Variants in DIAPH1 observed in about 807,000 individuals in gnomAD.
DIAPH1 encodes the protein protein diaphanous homolog 1.
DIAPH1 carries 46 observed loss-of-function variants against 140.7 expected under a neutral mutation model. The observed-to-expected ratio is 0.33, with a 90% confidence interval of 0.26 to 0.42. The LOEUF is 0.42. Among genes scored for constraint, DIAPH1 ranks in the 10% least tolerant of loss-of-function variants. DIAPH1 has a pLI of 1.00. For missense variants in DIAPH1, 1,310 were observed against 1,558.7 expected (o/e 0.84, Z 2.69); for synonymous variants, 565 against 551.6 (o/e 1.02, Z -0.34).
chr5:141,523,127 C>A (rs1302488620), intron 27 of DIAPH1, among the ~76,000 whole-genome samples: 1 of 152,212 alleles, frequency 6.6e-6, no homozygotes, highest in East Asian at 1.9e-4. Context: ...CTGGCCAAAG[C>A]AAGCTGTGTT....
At chr5:141,540,522 C>G (rs947910474) in intron 18 of DIAPH1, among the ~76,000 whole-genome samples, 5 of 150,808 alleles carry the variant, frequency 3.3e-5, no homozygotes, top group African/African-American at 1.2e-4. Context: ...CCTCGTGATC[C>G]ACCTGCCTCA....
In DIAPH1 at chr5:141,523,907, G is replaced by C. The variant is rs75364596; in HGVS notation, c.3661+236C>G. Reference sequence around the variant, plus strand: ...TTTGTTCCAAATATCTGCTTCAAGAGTGGGGAGAAATGCGGCATAATCCAA... The same window carrying C: ...TTTGTTCCAAATATCTGCTTCAAGACTGGGGAGAAATGCGGCATAATCCAA... On this transcript the variant is annotated intron_variant, in intron 27 of 27. Coordinates refer to ENST00000389054, the MANE Select transcript of DIAPH1 (RefSeq NM_005219.5). 3.6e-3 allele frequency among the ~76,000 whole-genome samples: 542 copies of C among 151,908 alleles called. 1 individual carries two copies. The highest frequency in any genetic ancestry group is 6.0e-3 in the South Asian group (29 of 4,808).
chr5:141,573,223 T>C (rs1369055959), intron 16 of DIAPH1, among the ~76,000 whole-genome samples: 2 of 151,670 alleles, frequency 1.3e-5, no homozygotes, highest in Non-Finnish European at 2.9e-5. Flanking sequence ...GATCACGAGG[T>C]CAGGAGATCG....
chr5:141,571,529 A>C, intron 17 of DIAPH1, 93 bp from the exon 18 acceptor site: 1 of 1,127,676 alleles, frequency 8.9e-7, no homozygotes, highest in Non-Finnish European at 1.3e-6. Context: ...TTGTTACTGT[A>C]GACAGTCACT....
chr5:141,550,432 T>C (rs1490537775), intron 18 of DIAPH1: 4 of 154,398 alleles, frequency 2.6e-5, no homozygotes, highest in Non-Finnish European at 5.9e-5. Flanking sequence ...ATGTAAACCT[T>C]ACCTCTTTTT....
intron 1 of DIAPH1, among the ~76,000 whole-genome samples, chr5:141,608,997 T>A (rs1396121752): frequency 6.6e-6 from 1 of 152,136 alleles, no homozygotes; most frequent in Non-Finnish European, 1.5e-5. Flanking sequence ...GCTGTTCTAC[T>A]TACAAAGGAG....
chr5:141,527,714 A>C lies in DIAPH1; in HGVS notation c.3149-17T>G, dbSNP rs956779234. The C allele has an allele frequency of 3.6e-5, 57 of 1,566,862 alleles. No homozygotes were observed. Among genetic ancestry groups the C allele is most frequent in the Non-Finnish European group, 4.7e-5 (55 of 1,158,636 alleles). ...CAGCAGAAACTAAAAAAAAAAAAAAAAAAAAAAACCATAAAAACAGACAGC... is the reference window on the plus strand; with the variant it reads ...CAGCAGAAACTAAAAAAAAAAAAAACAAAAAAAACCATAAAAACAGACAGC... On this transcript the variant is annotated splice_polypyrimidine_tract_variant and intron_variant, in intron 23 of 27. Transcript: ENST00000389054.
At chr5:141,520,993 T>G (rs2099886446) in intron 27 of DIAPH1, among the ~76,000 whole-genome samples, 1 of 152,136 alleles carries the variant, frequency 6.6e-6, no homozygotes, top group African/African-American at 2.4e-5. Flanking sequence ...CTCCGCCTCC[T>G]GGGTTCATGC....
chr5:141,583,547 C>T lies in DIAPH1; in HGVS notation c.471G>A (p.Arg157=). The T allele has an allele frequency of 6.2e-7, 1 of 1,614,182 alleles. No homozygotes were observed. Among genetic ancestry groups the T allele is most frequent in the Non-Finnish European group, 8.5e-7 (1 of 1,180,024 alleles). ...CCAGGCAGCTGAGCAGAGGCATATC[C>T]CGCAAGCCTGACCTCAACTCCTGAA... ...MYIQELRSGL[R]DMPLLSCLES... The change falls in exon 5 of 28, where the codon CGG becomes CGA. Residue 157 remains arginine (R), a synonymous_variant. Coordinates refer to ENST00000389054, the MANE Select transcript of DIAPH1 (RefSeq NM_005219.5).
At chr5:141,544,162 T>C (rs1213734837) in intron 18 of DIAPH1, among the ~76,000 whole-genome samples, 4 of 151,560 alleles carry the variant, frequency 2.6e-5, no homozygotes, top group Admixed American at 6.6e-5. Flanking sequence ...TACAAAAAAT[T>C]AGCCGGGCGT....
At chr5:141,558,291 C>T (rs1163248209) in intron 18 of DIAPH1, 1 of 152,094 alleles carries the variant, frequency 6.6e-6, no homozygotes, top group Non-Finnish European at 1.5e-5. Flanking sequence ...GACAACAGAA[C>T]GGAAGGGAGG....
Position 141,534,606 on chromosome 5 carries a change from C to G in DIAPH1, c.2483-173G>C, listed in dbSNP as rs1483045618. ...ACCAACCACCCTTTTATTACTGAAC[C>G]TCCCCCAACTCTAATAAATATCTCA... On this transcript the variant is annotated intron_variant, in intron 18 of 27. Coordinates refer to ENST00000389054, the MANE Select transcript of DIAPH1 (RefSeq NM_005219.5). 3 of 623,598 alleles carry G rather than the reference C, an allele frequency of 4.8e-6. No homozygotes were observed. In the African/African-American group the frequency reaches 5.5e-5, roughly 12 times the overall value. The allele number at this position is 623,598 out of a possible 1,614,324, so 38.6% of individuals were successfully genotyped here. A position where few individuals can be genotyped will look rare whatever the true frequency, so the allele number is the denominator to read the frequency against.
chr5:141,540,526 T>C (rs914253382), intron 18 of DIAPH1, among the ~76,000 whole-genome samples: 10 of 150,606 alleles, frequency 6.6e-5, no homozygotes, highest in Admixed American at 6.6e-5. Flanking sequence ...GTGATCCACC[T>C]GCCTCAGCCT....
chr5:141,583,228 C>A lies in DIAPH1; in HGVS notation c.598G>T (p.Asp200Tyr). The A allele has an allele frequency of 6.2e-7, 1 of 1,614,208 alleles. No homozygotes were observed. Among genetic ancestry groups the A allele is most frequent in the Non-Finnish European group, 8.5e-7 (1 of 1,180,026 alleles). Residue 200 changes from aspartate (D) to tyrosine (Y), a missense_variant, in exon 6 of 28, where the codon GAT becomes TAT. By Grantham distance (160) the Asp-to-Tyr change is radical. This residue lies in a region of DIAPH1 where 377 missense variants were observed against 497.1 expected (regional missense o/e 0.76). Transcript: ENST00000389054. ...CACCCAGCAGTCTCTTCTTTCTCAT[C>A]ATGAAGTCGTTTAAGAATGTCCAAT... ...SLLDILKRLH[D>Y]EKEETAGSYD...
chr5:141,569,795 G>A (rs1018105900), intron 18 of DIAPH1, among the ~76,000 whole-genome samples: 5 of 152,046 alleles, frequency 3.3e-5, no homozygotes, highest in African/African-American at 9.6e-5. Context: ...AATAAAAGTA[G>A]TTAAGGATGA....
chr5:141,576,115 T>C lies in DIAPH1; in HGVS notation c.1461+115A>G, dbSNP rs367708209. On this transcript the variant is annotated intron_variant, in intron 14 of 27. Transcript: ENST00000389054. ...AGGTTTCCCCTGGGAACTACACTAT[T>C]GGGTGCTAAACGCTTCCAAAATACC... 19 of 865,718 alleles carry C rather than the reference T, an allele frequency of 2.2e-5. No individual in the cohort carries two copies. In the East Asian group the frequency reaches 3.6e-4, roughly 17 times the overall value. The allele number at this position is 865,718 out of a possible 1,614,324, so 53.6% of individuals were successfully genotyped here.
chr5:141,569,112 G>A (rs1441662373), intron 18 of DIAPH1, among the ~76,000 whole-genome samples: 1 of 152,086 alleles, frequency 6.6e-6, no homozygotes, highest in African/African-American at 2.4e-5. Flanking sequence ...GGTTCCTGAA[G>A]GCGGCATATC....
chr5:141,528,350 T>G, intron 23 of DIAPH1, 103 bp downstream of exon 23: 1 of 1,544,962 alleles, frequency 6.5e-7, no homozygotes, highest in Non-Finnish European at 8.9e-7. Context: ...TCATTTCCAC[T>G]TGAAATAGTC....
At chr5:141,569,426 C>T (rs370256931) in intron 18 of DIAPH1, among the ~76,000 whole-genome samples, 15 of 152,240 alleles carry the variant, frequency 9.9e-5, no homozygotes, top group East Asian at 3.9e-4. Context: ...TCAAACTGAA[C>T]TGGTTCAATA....
Sources: gnomAD v4.1 joint callset for allele counts (sites outside exome capture counted in the v4.1 genomes callset) on GRCh38, gnomAD v4.1.1 for gene constraint, gnomAD v4.1.1 regional missense constraint, MANE v1.5 for transcripts, NCBI Gene and HGNC (gene_info 2026-07-23, HGNC 2026-07-21) for gene names.